Variants in ENPP6 observed in about 807,000 individuals in gnomAD.
ENPP6 encodes glycerophosphocholine cholinephosphodiesterase ENPP6.
A neutral mutation model predicts 42.0 loss-of-function variants in ENPP6; 32 were observed. The observed-to-expected ratio is 0.76, with a 90% CI of 0.58 to 1.02. The LOEUF is 1.02. Among genes scored for constraint, ENPP6 ranks in the 50% least tolerant of loss-of-function variants. ENPP6 has a pLI of 0.00. For missense variants in ENPP6, 552 were observed against 566.8 expected, an observed-to-expected ratio of 0.97 and a Z score of 0.27; for synonymous variants, 213 against 216.0, an observed-to-expected ratio of 0.99 and a Z score of 0.12.
chr4:184,213,489 A>T (rs1376173088), intron 1 of ENPP6, among the ~76,000 whole-genome samples: 2,886 of 152,228 alleles, frequency 0.019, 81 homozygotes, highest in Admixed American at 0.059. Flanking sequence ...ACATGAAAAA[A>T]TGCTCATCAT....
chr4:184,136,004 C>T (rs564485149), intron 2 of ENPP6, among the ~76,000 whole-genome samples: 1 of 152,052 alleles, frequency 6.6e-6, no homozygotes, highest in Non-Finnish European at 1.5e-5. Context: ...CAATTAACTA[C>T]ATTTCATATC....
intron 2 of ENPP6, among the ~76,000 whole-genome samples, chr4:184,134,015 T>C (rs1196694796): frequency 6.6e-6 from 1 of 152,088 alleles, no homozygotes; most frequent in Non-Finnish European, 1.5e-5. Flanking sequence ...AGGATGCAAA[T>C]ACTTTGTTTC....
chr4:184,217,689 A>C lies in ENPP6; in HGVS notation c.131T>G (p.Leu44Arg). ...CTCTTTGAAACCAGGCAATGACTCC[A>C]GCGCCTCATCACTGATGTAGTCTGA... ...FRSDYISDEA[L>R]ESLPGFKEIV... The change falls in exon 1 of 8, where the codon CTG becomes CGG. Residue 44 changes from leucine (L) to arginine (R), a missense_variant. Leu to Arg is a moderately radical substitution (Grantham distance 102). This residue lies in a region of ENPP6 where 545 missense variants were observed against 546.3 expected (regional missense o/e 1.00). Transcript: ENST00000296741. 3 of 1,614,226 alleles carry C rather than the reference A, an allele frequency of 1.9e-6. No homozygotes were observed. The highest frequency in any genetic ancestry group is 2.5e-6 in the Non-Finnish European group (3 of 1,180,044).
At chr4:184,120,015 A>C (rs554502026) in intron 3 of ENPP6, among the ~76,000 whole-genome samples, 110 of 152,274 alleles carry the variant, frequency 7.2e-4, no homozygotes, top group African/African-American at 2.5e-3. Context: ...CACTACTCAA[A>C]GGGTAACATG....
intron 2 of ENPP6, among the ~76,000 whole-genome samples, chr4:184,132,591 A>G (rs911497013): frequency 2.0e-5 from 3 of 151,392 alleles, no homozygotes; most frequent in Admixed American, 1.3e-4. Flanking sequence ...CTTAAGAAAT[A>G]TTCTTCTTAT....
At chr4:184,118,808 C>G (rs1736367662) in intron 3 of ENPP6, among the ~76,000 whole-genome samples, 1 of 152,182 alleles carries the variant, frequency 6.6e-6, no homozygotes, top group South Asian at 2.1e-4. Flanking sequence ...CCACCTACTA[C>G]TGGCCATTGA....
chr4:184,195,686 A>G (rs933871125), intron 1 of ENPP6, among the ~76,000 whole-genome samples: 1 of 152,172 alleles, frequency 6.6e-6, no homozygotes. Context: ...GAATCATACA[A>G]TATTTGTCCT....
At chr4:184,203,175 A>G (rs1308461873) in intron 1 of ENPP6, among the ~76,000 whole-genome samples, 1 of 152,076 alleles carries the variant, frequency 6.6e-6, no homozygotes, top group Admixed American at 6.5e-5. Context: ...CGCTTGAACC[A>G]GGGAAGCGGA....
intron 3 of ENPP6, among the ~76,000 whole-genome samples, chr4:184,121,319 A>G (rs1326609353): frequency 2.6e-5 from 4 of 152,218 alleles, no homozygotes; most frequent in African/African-American, 9.6e-5. Context: ...TCTCTTTCCT[A>G]CCACAGGCTG....
chr4:184,133,190 C>T (rs1471560509), intron 2 of ENPP6, among the ~76,000 whole-genome samples: 1 of 147,240 alleles, frequency 6.8e-6, no homozygotes, highest in East Asian at 2.0e-4. Flanking sequence ...CACACACACA[C>T]ACAGTTGAGA....
At chr4:184,157,557 CTT>C (rs1185931126) in intron 1 of ENPP6, among the ~76,000 whole-genome samples, 1 of 140,308 alleles carries the variant, frequency 7.1e-6, no homozygotes, top group Non-Finnish European at 1.5e-5. Flanking sequence ...TCCTTTCTCT[CTT>C]TCTTTCCTTT....
chr4:184,198,129 T>G (rs1411289245), intron 1 of ENPP6, among the ~76,000 whole-genome samples: 1 of 151,938 alleles, frequency 6.6e-6, no homozygotes, highest in African/African-American at 2.4e-5. Context: ...TAGAAAAGAG[T>G]GCAACCTCAG....
intron 1 of ENPP6, among the ~76,000 whole-genome samples, chr4:184,155,185 AG>A (rs1242568146): frequency 5.3e-5 from 8 of 152,244 alleles, no homozygotes; most frequent in Admixed American, 4.6e-4. Flanking sequence ...CATTAAAAGT[AG>A]GGTCCTAATC....
At chr4:184,102,895 C>T (rs1388307346) in intron 6 of ENPP6, among the ~76,000 whole-genome samples, 2 of 152,218 alleles carry the variant, frequency 1.3e-5, no homozygotes, top group African/African-American at 2.4e-5. Flanking sequence ...TTCTTAATGT[C>T]CCCCAGGTGG....
chr4:184,124,149 T>C lies in ENPP6; in HGVS notation c.533+12A>G. The C allele has an allele frequency of 6.2e-7, 1 of 1,603,680 alleles. No individual in the cohort carries two copies. The highest frequency in any genetic ancestry group is 8.5e-7 in the Non-Finnish European group (1 of 1,170,630). ...GGAAGAAAATGGTGTGGCTAGAGTT[T>C]GGGACACTTACTTGAAGGAGTCAAG... On this transcript the variant is annotated intron_variant, in intron 3 of 7. Coordinates refer to ENST00000296741, the MANE Select transcript of ENPP6 (RefSeq NM_153343.4).
chr4:184,151,673 C>T (rs1737027778), intron 2 of ENPP6, among the ~76,000 whole-genome samples: 1 of 152,086 alleles, frequency 6.6e-6, no homozygotes, highest in South Asian at 2.1e-4. Context: ...CCGGGTGGTC[C>T]CTAATGCAGT....
intron 1 of ENPP6, among the ~76,000 whole-genome samples, chr4:184,160,316 A>AT (rs1271909910): frequency 3.3e-5 from 5 of 151,700 alleles, no homozygotes; most frequent in Non-Finnish European, 7.4e-5. Context: ...AACATATATC[A>AT]TTTTTTTACT....
At chr4:184,215,978 T>C (rs548313227) in intron 1 of ENPP6, among the ~76,000 whole-genome samples, 1 of 152,242 alleles carries the variant, frequency 6.6e-6, no homozygotes, top group African/African-American at 2.4e-5. Flanking sequence ...TGGCTTAGTG[T>C]CTCTGTGGAG....
intron 2 of ENPP6, among the ~76,000 whole-genome samples, chr4:184,141,242 T>C (rs1736815241): frequency 6.6e-6 from 1 of 152,122 alleles, no homozygotes; most frequent in Admixed American, 6.5e-5. Flanking sequence ...TGTGGGCCCC[T>C]CTCCTGTATC....
Sources: gnomAD v4.1 joint callset for allele counts (sites outside exome capture counted in the v4.1 genomes callset) on GRCh38, gnomAD v4.1.1 for gene constraint, gnomAD v4.1.1 regional missense constraint, MANE v1.5 for transcripts, NCBI Gene and HGNC (gene_info 2026-07-23, HGNC 2026-07-21) for gene names.